GRK3: variants seen among roughly 807,000 people sequenced by gnomAD.
The protein encoded by GRK3 is adrenergic, beta, receptor kinase 2.
Under a neutral mutation model 95.7 loss-of-function variants are expected in GRK3, and 54 were observed. That is an observed-to-expected ratio of 0.56 (90% CI 0.45 to 0.71). GRK3 has a LOEUF of 0.71. Ranked by LOEUF, GRK3 falls within the 30% of genes least tolerant of loss-of-function variation. The pLI is 0.00. For synonymous variants in GRK3, 281 were observed against 290.8 expected (o/e 0.97, Z 0.34); for missense variants, 649 against 851.2 (o/e 0.76, Z 2.96).
intron 1 of GRK3, among the ~76,000 whole-genome samples, chr22:25,595,583 A>G (rs1344891231): frequency 6.6e-6 from 1 of 152,192 alleles, no homozygotes; most frequent in South Asian, 2.1e-4. Flanking sequence ...AATAGTCAAG[A>G]ATTGTAGGAA....
At chr22:25,614,152 G>C (rs73166999) in intron 2 of GRK3, among the ~76,000 whole-genome samples, 4,469 of 151,942 alleles carry the variant, frequency 0.029, 100 homozygotes, top group Non-Finnish European at 0.046. Flanking sequence ...TTTTTGAGAC[G>C]GGTCTCATTC....
chr22:25,702,151 T>C (rs566489388), intron 13 of GRK3, among the ~76,000 whole-genome samples: 1 of 152,044 alleles, frequency 6.6e-6, no homozygotes, highest in African/African-American at 2.4e-5. Flanking sequence ...TTTCACTGCA[T>C]GATATGGAAG....
chr22:25,704,149 C>T lies in GRK3; in HGVS notation c.1268C>T (p.Ser423Phe), dbSNP rs1443202208. The T allele has an allele frequency of 1.2e-6, 2 of 1,613,766 alleles. No homozygotes were observed. Among genetic ancestry groups the T allele is most frequent in the Admixed American group, 3.3e-5 (2 of 60,006 alleles). Residue 423 changes from serine (S) to phenylalanine (F), a missense_variant, in exon 15 of 21, where the codon TCC becomes TTC. Coordinates refer to ENST00000324198, the MANE Select transcript of GRK3 (RefSeq NM_005160.4). ...LPDTFSPELK[S>F]LLEGLLQRDV... ...GACACCTTCTCTCCTGAACTGAAGT[C>T]CCTTTTGGAGGGCTTGCTTCAGCGA...
At chr22:25,581,845 C>A (rs376684782) in intron 1 of GRK3, among the ~76,000 whole-genome samples, 26 of 151,804 alleles carry the variant, frequency 1.7e-4, no homozygotes, top group African/African-American at 6.0e-4. Context: ...TTAAGATAAT[C>A]TACCCTCTAA....
chr22:25,698,842 C>G, intron 13 of GRK3, among the ~76,000 whole-genome samples: 1 of 152,110 alleles, frequency 6.6e-6, no homozygotes, highest in East Asian at 1.9e-4. Context: ...CTGACAGGAG[C>G]AAATGACATG....
At chr22:25,685,274 T>C in intron 10 of GRK3, 26 bp downstream of exon 10, 2 of 1,549,904 alleles carry the variant, frequency 1.3e-6, no homozygotes, top group Non-Finnish European at 1.8e-6. Context: ...AAAATCTGAA[T>C]GCCTTGAAAG....
rs907769530 is a variant in GRK3 at position 25,725,722 on chromosome 22, G to A, written c.*3272G>A. On this transcript the variant is annotated 3_prime_UTR_variant, in exon 21 of 21. Transcript: ENST00000324198. ...AGCACTTTGGGAGGCCGAGAGGGGC[G>A]GTTCACGAGGTCAGGAGATTGAGAC... 4 of 397,710 alleles carry A rather than the reference G, an allele frequency of 1.0e-5. No individual in the cohort carries two copies. The highest frequency in any genetic ancestry group is 1.3e-4 in the South Asian group (1 of 7,536). 24.6% of individuals were successfully genotyped at this position (397,710 alleles called of 1,614,324 possible). A position where few individuals can be genotyped will look rare whatever the true frequency, so the allele number is the denominator to read the frequency against.
intron 2 of GRK3, among the ~76,000 whole-genome samples, chr22:25,637,271 T>TAA (rs1227996435): frequency 1.3e-5 from 2 of 152,164 alleles, no homozygotes; most frequent in African/African-American, 2.4e-5. Context: ...TGTACTGAGT[T>TAA]ACACCATCTG....
intron 13 of GRK3, among the ~76,000 whole-genome samples, chr22:25,698,804 C>G (rs2085232373): frequency 6.6e-6 from 1 of 152,064 alleles, no homozygotes; most frequent in South Asian, 2.1e-4. Context: ...GAGCAAAAGG[C>G]AGTGAGTTTG....
At chr22:25,627,142 G>A (rs2084633701) in intron 2 of GRK3, among the ~76,000 whole-genome samples, 1 of 152,184 alleles carries the variant, frequency 6.6e-6, no homozygotes, top group Non-Finnish European at 1.5e-5. Context: ...GGACTCCCAT[G>A]TTGGGGAGAA....
intron 3 of GRK3, among the ~76,000 whole-genome samples, chr22:25,645,682 G>T: frequency 6.6e-6 from 1 of 152,116 alleles, no homozygotes; most frequent in Middle Eastern, 3.2e-3. Context: ...CAGCACTTTG[G>T]GAGGCCGAGG....
chr22:25,681,567 C>G (rs1464878395), intron 9 of GRK3, among the ~76,000 whole-genome samples: 3 of 152,010 alleles, frequency 2.0e-5, no homozygotes, highest in Non-Finnish European at 4.4e-5. Flanking sequence ...TGAAGGGCAT[C>G]GCCGGCCGAT....
chr22:25,710,308 T>G (rs543992690), intron 16 of GRK3, among the ~76,000 whole-genome samples: 1 of 152,198 alleles, frequency 6.6e-6, no homozygotes, highest in South Asian at 2.1e-4. Flanking sequence ...GTTTTTGCTC[T>G]TCTTCTTGAA....
chr22:25,634,114 T>C (rs1383681815), intron 2 of GRK3, among the ~76,000 whole-genome samples: 1 of 152,248 alleles, frequency 6.6e-6, no homozygotes. Context: ...ATTTATTTTA[T>C]TTAGAGATAT....
rs2085006593 is a variant in GRK3 at position 25,674,040 on chromosome 22, G to A, written c.556-397G>A. 3.3e-5 allele frequency among the ~76,000 whole-genome samples: 5 copies of A among 152,136 alleles called. No homozygotes were observed. The South Asian group carries it at 1.0e-3, about 32-fold the overall frequency. On this transcript the variant is annotated intron_variant, in intron 7 of 20. Transcript: ENST00000324198. ...TTTTCAACTCTGACAGTTCTCGGAA[G>A]CATTGGATTGTTCCCAAACATTAGG...
At chr22:25,698,042 G>A (rs2146447858) in intron 13 of GRK3, among the ~76,000 whole-genome samples, 1 of 151,924 alleles carries the variant, frequency 6.6e-6, no homozygotes, top group Non-Finnish European at 1.5e-5. Flanking sequence ...GATGCTGTGG[G>A]GGAAGGAAAG....
chr22:25,720,669 G>C (rs1194289317), intron 19 of GRK3, among the ~76,000 whole-genome samples: 1 of 151,782 alleles, frequency 6.6e-6, no homozygotes, highest in Non-Finnish European at 1.5e-5. Flanking sequence ...TAGAGACGGG[G>C]TTTCACCATC....
chr22:25,690,228 A>G lies in GRK3; in HGVS notation c.997A>G (p.Ile333Val), dbSNP rs1310177016. 1.9e-6 allele frequency: 3 copies of G among 1,614,028 alleles called. No homozygotes were observed. Among genetic ancestry groups the G allele is most frequent in the Non-Finnish European group, 2.5e-6 (3 of 1,180,000 alleles). Residue 333 changes from isoleucine (I) to valine (V), a missense_variant, in exon 12 of 21, where the codon ATA becomes GTA. By Grantham distance (29) the Ile-to-Val change is conservative. Coordinates refer to ENST00000324198, the MANE Select transcript of GRK3 (RefSeq NM_005160.4). ...ILLDEHGHAR[I>V]SDLGLACDFS... ...CTTGGATGAACATGGACACGCAAGA[A>G]TATCAGATCTTGGTCTTGCCTGCGA...
chr22:25,624,160 C>T (rs1174623667), intron 2 of GRK3, among the ~76,000 whole-genome samples: 1 of 152,118 alleles, frequency 6.6e-6, no homozygotes, highest in Non-Finnish European at 1.5e-5. Flanking sequence ...TGTGAACATG[C>T]GTCATGCTCC....
Sources: gnomAD v4.1 joint callset for allele counts (sites outside exome capture counted in the v4.1 genomes callset) on GRCh38, gnomAD v4.1.1 for gene constraint, MANE v1.5 for transcripts, NCBI Gene and HGNC (gene_info 2026-07-23, HGNC 2026-07-21) for gene names.